STK32A: variants seen among roughly 807,000 people sequenced by gnomAD.
STK32A encodes the protein serine/threonine kinase 32A.
STK32A carries 41 observed loss-of-function variants against 53.2 expected under a neutral mutation model. The observed-to-expected ratio is 0.77, with a 90% CI of 0.60 to 1.00. The LOEUF is 1.00. STK32A is among the 50% of genes least tolerant of loss of function. STK32A has a pLI of 0.00. For synonymous variants in STK32A, 166 were observed against 162.8 expected (o/e 1.02, Z -0.15); for missense variants, 458 against 485.8 (o/e 0.94, Z 0.54).
At chr5:147,288,771 T>A (rs927525184) in intron 4 of STK32A, among the ~76,000 whole-genome samples, 1 of 152,098 alleles carries the variant, frequency 6.6e-6, no homozygotes, top group Non-Finnish European at 1.5e-5. Context: ...AGGCCCCACC[T>A]CCAGCATTGG....
At chr5:147,312,888 T>C (rs1350542203) in intron 4 of STK32A, among the ~76,000 whole-genome samples, 2 of 152,096 alleles carry the variant, frequency 1.3e-5, no homozygotes, top group African/African-American at 4.8e-5. Context: ...AACCCTCTTC[T>C]ATACATCTAT....
chr5:147,299,597 G>T (rs910034658), intron 4 of STK32A, among the ~76,000 whole-genome samples: 1 of 152,096 alleles, frequency 6.6e-6, no homozygotes, highest in African/African-American at 2.4e-5. Context: ...CATCTGGGGT[G>T]GTAAAATGTC....
chr5:147,381,128 A>G (rs1209448927), intron 11 of STK32A, among the ~76,000 whole-genome samples: 1 of 152,178 alleles, frequency 6.6e-6, no homozygotes, highest in Non-Finnish European at 1.5e-5. Context: ...TTATCTGGAA[A>G]CATCTTAGTT....
intron 2 of STK32A, among the ~76,000 whole-genome samples, chr5:147,258,486 T>G (rs991914834): frequency 6.6e-6 from 1 of 152,182 alleles, no homozygotes; most frequent in Non-Finnish European, 1.5e-5. Flanking sequence ...GGAGGCTTAA[T>G]TACTTTTAAA....
chr5:147,237,379 C>T (rs948859990), intron 1 of STK32A, among the ~76,000 whole-genome samples: 2 of 152,098 alleles, frequency 1.3e-5, no homozygotes, highest in Non-Finnish European at 2.9e-5. Context: ...GTGGTTCAGT[C>T]CTTACACTAT....
In STK32A at chr5:147,383,418, T is replaced by A. The variant is rs1410603735; in HGVS notation, c.1033-23T>A. On this transcript the variant is annotated intron_variant, in intron 11 of 12. Transcript: ENST00000397936. Reference sequence around the variant, plus strand: ...TTTGTCTGCTAACTATACCTCTATTTTTTTTCTACGTTCACCTGGAAGACA... The same window carrying A: ...TTTGTCTGCTAACTATACCTCTATTATTTTTCTACGTTCACCTGGAAGACA... 1.9e-6 allele frequency: 3 copies of A among 1,575,876 alleles called. No homozygotes were observed. In the East Asian group the frequency reaches 6.9e-5, roughly 36 times the overall value.
intron 4 of STK32A, among the ~76,000 whole-genome samples, chr5:147,287,950 A>G (rs1197524835): frequency 6.6e-6 from 1 of 151,380 alleles, no homozygotes; most frequent in Non-Finnish European, 1.5e-5. Flanking sequence ...AGTTGATTTC[A>G]TTCTGTTCCT....
At chr5:147,297,650 T>C (rs1270061373) in intron 4 of STK32A, among the ~76,000 whole-genome samples, 2 of 152,134 alleles carry the variant, frequency 1.3e-5, no homozygotes, top group African/African-American at 4.8e-5. Context: ...CTGCAAGGGA[T>C]TGTGAAGTCC....
chr5:147,290,978 A>G (rs9325040), intron 4 of STK32A, among the ~76,000 whole-genome samples: 33,196 of 152,060 alleles, frequency 0.22, 4,123 homozygotes, highest in African/African-American at 0.32. Context: ...GATGGACTAT[A>G]CATTATTCTT....
intron 4 of STK32A, among the ~76,000 whole-genome samples, chr5:147,318,963 CTA>C (rs1754156779): frequency 6.6e-6 from 1 of 152,140 alleles, no homozygotes. Flanking sequence ...ACTTTAACGA[CTA>C]AAAGTCATGA....
downstream of STK32A, chr5:147,391,378 AC>A (rs1330883781): frequency 6.6e-6 from 1 of 152,612 alleles, no homozygotes; most frequent in African/African-American, 2.4e-5. Context: ...AATTTCCCAA[AC>A]ACCCTTTCCA....
chr5:147,251,765 G>T (rs561896651), intron 2 of STK32A, among the ~76,000 whole-genome samples: 52 of 142,046 alleles, frequency 3.7e-4, no homozygotes, highest in African/African-American at 1.3e-3. Context: ...TATTAATGAA[G>T]TATTGGGGGG....
chr5:147,281,510 A>G (rs1207305055), intron 4 of STK32A, among the ~76,000 whole-genome samples: 5 of 152,188 alleles, frequency 3.3e-5, no homozygotes, highest in African/African-American at 1.2e-4. Context: ...AAAGAAATTC[A>G]GAGCTCGAAG....
At position 147,384,033 on chromosome 5, in the gene STK32A, T is replaced by C. The variant is rs781591305; in HGVS notation, c.*50T>C. 1.9e-6 allele frequency: 3 copies of C among 1,567,336 alleles called. No homozygotes were observed. The highest frequency in any genetic ancestry group is 4.6e-5 in the East Asian group (2 of 43,284). ...CAATCTCATGCCAGAAACTTCTAATTACATATGTCAAGAAAAGCTGACAGT... is the reference window on the plus strand; with the variant it reads ...CAATCTCATGCCAGAAACTTCTAATCACATATGTCAAGAAAAGCTGACAGT... On this transcript the variant is annotated 3_prime_UTR_variant, in exon 13 of 13. Transcript: ENST00000397936.
intron 6 of STK32A, among the ~76,000 whole-genome samples, chr5:147,347,596 A>C (rs899064973): frequency 6.6e-6 from 1 of 152,128 alleles, no homozygotes; most frequent in Non-Finnish European, 1.5e-5. Context: ...CACTACAAAA[A>C]ATTATCAGGT....
Position 147,246,280 on chromosome 5 carries a change from C to G in STK32A, c.52+6594C>G, listed in dbSNP as rs575713444. 5.9e-5 allele frequency among the ~76,000 whole-genome samples: 9 copies of G among 152,278 alleles called. 1 individual carries two copies. The South Asian group carries it at 1.9e-3, about 32-fold the overall frequency. On this transcript the variant is annotated intron_variant, in intron 2 of 12. Transcript: ENST00000397936. ...TTTAATTTGTAAGGGCTTTATTTCT[C>G]CATACAAAGGGATTGGAGAAACAAA...
At position 147,283,196 on chromosome 5, in the gene STK32A, T is replaced by C. The variant is rs189966130; in HGVS notation, c.260+3798T>C. On this transcript the variant is annotated intron_variant, in intron 4 of 12. Coordinates refer to ENST00000397936, the MANE Select transcript of STK32A (RefSeq NM_001112724.2). Reference sequence around the variant, plus strand: ...TAAATAACCTGCTCCTGAATGGCATTGGGTCAAAAACAAAATCAAGATGAA... The same window carrying C: ...TAAATAACCTGCTCCTGAATGGCATCGGGTCAAAAACAAAATCAAGATGAA... Among the ~76,000 whole-genome samples the C allele has an allele frequency of 6.8e-4, 104 of 152,286 alleles. 3 individuals are homozygous for C. The highest frequency in any genetic ancestry group is 5.1e-4 in the Non-Finnish European group (35 of 68,004).
intron 2 of STK32A, among the ~76,000 whole-genome samples, chr5:147,272,839 T>C (rs1387730874): frequency 6.6e-6 from 1 of 152,226 alleles, no homozygotes. Context: ...GAGACATTGT[T>C]ATTTGAAAGA....
At position 147,351,160 on chromosome 5, in the gene STK32A, G is replaced by A. The variant is rs1755957067; in HGVS notation, c.562+6G>A. 1 of 1,609,144 alleles carries A rather than the reference G, an allele frequency of 6.2e-7. No individual in the cohort carries two copies. The highest frequency in any genetic ancestry group is 1.7e-5 in the Admixed American group (1 of 59,582). ...TGGCACCAAGCCTTACATGGGTATG[G>A]GTTTCATGAGTGTCTTTTTTTTTTC... On this transcript the variant is annotated splice_donor_region_variant and intron_variant, in intron 7 of 12. Transcript: ENST00000397936.
Sources: allele counts gnomAD v4.1 joint callset (sites outside exome capture counted in the v4.1 genomes callset), GRCh38; gene constraint gnomAD v4.1.1; transcripts MANE v1.5; gene names NCBI Gene and HGNC (gene_info 2026-07-23, HGNC 2026-07-21).